Variants in SEC31A observed in about 807,000 individuals in gnomAD.
The protein encoded by SEC31A is protein transport protein Sec31A.
In SEC31A, 70 loss-of-function variants were observed where a neutral mutation model predicts 151.0. The observed-to-expected ratio is 0.46, with a 90% CI of 0.38 to 0.57. SEC31A has a LOEUF of 0.57. SEC31A is among the 20% of genes least tolerant of loss of function. The pLI, the probability that SEC31A is intolerant of heterozygous loss-of-function variation, is 0.00. For synonymous variants in SEC31A, 475 were observed against 505.9 expected, an observed-to-expected ratio of 0.94 and a Z score of 0.82; for missense variants, 1,330 against 1,471.2, an observed-to-expected ratio of 0.90 and a Z score of 1.57.
exon 3 of SEC31A, chr4:82,899,731 C>A (rs1720227177): frequency 6.6e-6 from 1 of 152,612 alleles, no homozygotes; most frequent in Non-Finnish European, 1.5e-5. Flanking sequence ...GTATCTTCGG[C>A]TGTAATCTGG....
intron 25 of SEC31A, among the ~76,000 whole-genome samples, chr4:82,823,172 G>T (rs77052863): frequency 7.9e-5 from 12 of 152,146 alleles, no homozygotes; most frequent in African/African-American, 2.9e-4. Context: ...TATGATGACC[G>T]AGAGAAGGGT....
At chr4:82,896,792 T>C (rs1209038447) in intron 3 of SEC31A, among the ~76,000 whole-genome samples, 1 of 152,230 alleles carries the variant, frequency 6.6e-6, no homozygotes. Flanking sequence ...TCTGTGCAGT[T>C]ATACAAATAT....
Position 82,827,660 on chromosome 4 carries a change from C to G in SEC31A, c.3028-28G>C, listed in dbSNP as rs112086638. The G allele has an allele frequency of 1.7e-3, 2,800 of 1,603,888 alleles. 39 individuals carry two copies. In the African/African-American group the frequency reaches 0.032, roughly 19 times the overall value. ...GTTAAAAGATGGAAATAAAAGACAC[C>G]AGGAGTAAGAATAAAAACGATAGCA... On this transcript the variant is annotated intron_variant, in intron 23 of 26. Transcript: ENST00000395310.
rs545615854 is a variant in SEC31A at position 82,844,293 on chromosome 4, T to C, written c.2626+93A>G. On this transcript the variant is annotated intron_variant, in intron 21 of 26. Coordinates refer to ENST00000395310, the MANE Select transcript of SEC31A (RefSeq NM_001077207.4). ...TCCTATGCACAATGGTTCTTACTTA[T>C]TGATTTGACAATGACTTTGGGGCTT... 154 of 1,345,892 alleles carry C rather than the reference T, an allele frequency of 1.1e-4. 2 individuals are homozygous for C. In the South Asian group the frequency reaches 1.9e-3, roughly 17 times the overall value. 83.4% of individuals were successfully genotyped at this position (1,345,892 alleles called of 1,614,324 possible).
rs34724288 is a variant in SEC31A at position 82,820,133 on chromosome 4, G to GTTT, written c.3484-883_3484-881dup. Reference sequence around the variant, plus strand: ...GATGTATACGCTAATTGTATCTTCTGTTTTTTTTTTTTTTTTTTGGAAATG... The same window carrying GTTT: ...GATGTATACGCTAATTGTATCTTCTGTTTTTTTTTTTTTTTTTTTTTGGAAATG... On this transcript the variant is annotated intron_variant, in intron 26 of 26. Transcript: ENST00000395310. Among the ~76,000 whole-genome samples the GTTT allele has an allele frequency of 6.6e-4, 75 of 113,776 alleles. 1 individual carries two copies. Among genetic ancestry groups the GTTT allele is most frequent in the African/African-American group, 2.2e-3 (67 of 30,536 alleles). The allele number at this position is 113,776 out of a possible 152,430, so 74.6% of individuals were successfully genotyped here.
At position 82,875,798 on chromosome 4, in the gene SEC31A, T is replaced by C; in HGVS notation, c.427A>G (p.Asn143Asp). The change falls in exon 5 of 27, where the codon AAT (asparagine) becomes GAT (aspartate). Residue 143 changes from asparagine to aspartate, a missense_variant. Coordinates refer to ENST00000395310, the MANE Select transcript of SEC31A (RefSeq NM_001077207.4). ...TCCCATATGTAGATTTCAGATTCATTAGCACCAGAAGCTACCAGATTAGTC... is the reference window on the plus strand; with the variant it reads ...TCCCATATGTAGATTTCAGATTCATCAGCACCAGAAGCTACCAGATTAGTC... ...FQTNLVASGA[N>D]ESEIYIWDLN... 4 of 1,606,400 alleles carry C rather than the reference T, an allele frequency of 2.5e-6. No individual in the cohort carries two copies. Among genetic ancestry groups the C allele is most frequent in the Non-Finnish European group, 3.4e-6 (4 of 1,175,582 alleles).
At chr4:82,830,556 A>C (rs942076431) in intron 22 of SEC31A, among the ~76,000 whole-genome samples, 1 of 152,244 alleles carries the variant, frequency 6.6e-6, no homozygotes, top group African/African-American at 2.4e-5. Flanking sequence ...AAAACAGTCA[A>C]GAGTTAACCA....
intron 11 of SEC31A, 26 bp downstream of exon 11, chr4:82,864,336 A>G (rs1235313699): frequency 6.8e-7 from 1 of 1,466,576 alleles, no homozygotes; most frequent in South Asian, 1.1e-5. Context: ...ATAATGAAAT[A>G]ATATAGCTTT....
intron 25 of SEC31A, among the ~76,000 whole-genome samples, chr4:82,824,114 G>C (rs908461829): frequency 1.3e-5 from 2 of 152,154 alleles, no homozygotes; most frequent in African/African-American, 2.4e-5. Context: ...GTAAGTGCTA[G>C]CTTTATTACT....
rs1315612324 is a variant in SEC31A, at chr4:82,853,632, C to A, written c.2092G>T (p.Val698Leu). 4 of 1,605,328 alleles carry A rather than the reference C, an allele frequency of 2.5e-6. No homozygotes were observed. The highest frequency in any genetic ancestry group is 3.4e-6 in the Non-Finnish European group (4 of 1,177,932). Residue 698 changes from valine (V) to leucine (L), a missense_variant, in exon 18 of 27, where the codon GTA becomes TTA. Coordinates refer to ENST00000395310, the MANE Select transcript of SEC31A (RefSeq NM_001077207.4). Reference protein sequence around the residue: ...ACLCYICAGNVEKLVACWTKA... With the variant: ...ACLCYICAGNLEKLVACWTKA... ...GTCCAACATGCAACTAATTTCTCTA[C>A]ATTCCCTGCACAAATATAGCAGAGA... is the stretch of plus-strand genomic sequence containing the variant.
At position 82,854,364 on chromosome 4, in the gene SEC31A, C is replaced by CAA. The variant is rs11349113; in HGVS notation, c.2008+537_2008+538dup. Among the ~76,000 whole-genome samples, 370 of 130,204 alleles carry CAA rather than the reference C, an allele frequency of 2.8e-3. 9 individuals are homozygous for CAA. The highest frequency in any genetic ancestry group is 2.7e-3 in the South Asian group (11 of 4,070). The allele number at this position is 130,204 out of a possible 152,430, so 85.4% of individuals were successfully genotyped here. A position where few individuals can be genotyped will look rare whatever the true frequency, so the allele number is the denominator to read the frequency against. On this transcript the variant is annotated intron_variant, in intron 17 of 26. Coordinates refer to ENST00000395310, the MANE Select transcript of SEC31A (RefSeq NM_001077207.4). Reference sequence around the variant, plus strand: ...GGCAATAAGAGCAAAACTCCGTCTCCAAAAAAAAAAAAAAAAGCAGTTAGT... The same window carrying CAA: ...GGCAATAAGAGCAAAACTCCGTCTCCAAAAAAAAAAAAAAAAAAGCAGTTAGT...
At position 82,851,562 on chromosome 4, in the gene SEC31A, G is replaced by A. The variant is rs776339003; in HGVS notation, c.2197C>T (p.Leu733Phe). The A allele has an allele frequency of 6.2e-7, 1 of 1,612,480 alleles. No homozygotes were observed. The highest frequency in any genetic ancestry group is 8.5e-7 in the Non-Finnish European group (1 of 1,179,182). ...GTACTAGTGTCCATGGCTTGAGTGA[G>A]TTGCACAGCTTTTCGCAGGATGACA... ...KVVILRKAVQ[L>F]TQAMDTSTVG... Residue 733 changes from leucine to phenylalanine, a missense_variant, in exon 19 of 27, where the codon CTC (leucine) becomes TTC (phenylalanine). Transcript: ENST00000395310.
At chr4:82,894,457 A>G (rs985523052), upstream of SEC31A, 4 of 152,182 alleles carry the variant, frequency 2.6e-5, no homozygotes, top group Non-Finnish European at 4.4e-5. Flanking sequence ...AGTTTGCTGA[A>G]CTTTTCCAGT....
chr4:82,861,609 A>T (rs775372382), intron 14 of SEC31A, 22 bp downstream of exon 14: 1 of 1,532,488 alleles, frequency 6.5e-7, no homozygotes, highest in Non-Finnish European at 9.0e-7. Context: ...TGTCCAATAT[A>T]ATATGAAAAA....
chr4:82,890,632 G>T, intron 1 of SEC31A: 1 of 520,524 alleles, frequency 1.9e-6, no homozygotes, highest in South Asian at 7.9e-5. Flanking sequence ...GACAGTAGAC[G>T]TCAGTTCAAA....
chr4:82,891,186 T>C (rs1719687076), upstream of SEC31A: 3 of 1,533,778 alleles, frequency 2.0e-6, no homozygotes, highest in South Asian at 1.2e-5. Context: ...CAGGGCCACC[T>C]CCACGTTCCG....
At chr4:82,842,087 G>A (rs929302257) in intron 22 of SEC31A, 53 bp downstream of exon 22, 2 of 1,396,644 alleles carry the variant, frequency 1.4e-6, no homozygotes, top group Non-Finnish European at 1.9e-6. Flanking sequence ...CCACCCATCT[G>A]TTCATAAACA....
At chr4:82,837,407 T>A (rs529615329) in intron 22 of SEC31A, among the ~76,000 whole-genome samples, 44 of 151,998 alleles carry the variant, frequency 2.9e-4, no homozygotes, top group African/African-American at 9.6e-4. Flanking sequence ...CAAGGAAGTT[T>A]TTTTTGTTGT....
rs772269884 is a variant in SEC31A at position 82,857,038 on chromosome 4, T to C, written c.1795A>G (p.Ile599Val). The C allele has an allele frequency of 6.8e-6, 11 of 1,614,100 alleles. No individual in the cohort carries two copies. The highest frequency in any genetic ancestry group is 4.4e-5 in the South Asian group (4 of 91,062). The part of the protein sequence containing the change: ...CLHDNRMADA[I>V]ILAIAGGQEL... ...TGTCCACCTGCTATGGCCAATATAA[T>C]GGCATCGGCCATGCGGTTATCATGT... The change falls in exon 16 of 27, where the codon ATT becomes GTT. Residue 599 changes from isoleucine (I) to valine (V), a missense_variant. Coordinates refer to ENST00000395310, the MANE Select transcript of SEC31A (RefSeq NM_001077207.4).
Sources: allele counts gnomAD v4.1 joint callset (sites outside exome capture counted in the v4.1 genomes callset), GRCh38; gene constraint gnomAD v4.1.1; transcripts MANE v1.5; gene names NCBI Gene and HGNC (gene_info 2026-07-23, HGNC 2026-07-21).